Variants in CR1 observed in about 807,000 individuals in gnomAD.
The protein encoded by CR1 is complement C3b/C4b receptor 1 (Knops blood group), also known as complement receptor type 1.
In CR1, 116 loss-of-function variants were observed where a neutral mutation model predicts 187.3. The observed-to-expected ratio is 0.62, with a 90% CI of 0.53 to 0.72. The LOEUF (loss-of-function observed/expected upper bound fraction) is 0.72. Among genes scored for constraint, CR1 ranks in the 30% least tolerant of loss-of-function variants. The pLI, the probability that CR1 is intolerant of heterozygous loss-of-function variation, is 0.00. For missense variants in CR1, 1,731 were observed against 2,110.7 expected (o/e 0.82, Z 3.52); for synonymous variants, 576 against 747.1 (o/e 0.77, Z 3.73).
intron 1 of CR1, among the ~76,000 whole-genome samples, chr1:207,503,234 C>T (rs922326455): frequency 9.2e-5 from 14 of 152,090 alleles, no homozygotes; most frequent in Non-Finnish European, 7.4e-5. Context: ...CAAGATTAAG[C>T]GGTTTGCCTA....
chr1:207,607,273 T>A lies in CR1; in HGVS notation c.5833T>A (p.Ser1945Thr). ...NEGFRLIGSPSTTCLVSGNNV... is the reference protein window; with the variant it reads ...NEGFRLIGSPTTTCLVSGNNV... ...TAGGTTTCGACTCATTGGTTCCCCA[T>A]CTACTACTTGTCTCGTCTCAGGCAA... The change falls in exon 36 of 47, where the codon TCT becomes ACT. Residue 1945 changes from serine to threonine, a missense_variant. Around this residue, in one of 5 missense-constraint regions of CR1, gnomAD observed 1,312 missense variants for 1,379.6 expected, o/e 0.95. Transcript: ENST00000367049. The A allele has an allele frequency of 1.2e-6, 2 of 1,613,600 alleles. No individual in the cohort carries two copies. Among genetic ancestry groups the A allele is most frequent in the Non-Finnish European group, 1.7e-6 (2 of 1,179,530 alleles).
At chr1:207,578,225 A>G in intron 29 of CR1, 22 bp downstream of exon 29, 3 of 1,611,806 alleles carry the variant, frequency 1.9e-6, no homozygotes, top group Non-Finnish European at 2.5e-6. Flanking sequence ...TGATGCCTAG[A>G]AGGGCCCTGC....
At chr1:207,515,106 TGTACGTATATATACATAC>T (rs1220197000) in intron 4 of CR1, among the ~76,000 whole-genome samples, 30 of 140,088 alleles carry the variant, frequency 2.1e-4, no homozygotes, top group African/African-American at 7.7e-4. Flanking sequence ...TGTGTATATA[TGTACGTATATATACATAC>T]GTACGTATAT....
chr1:207,521,389 G>A (rs990909402), intron 4 of CR1, among the ~76,000 whole-genome samples: 1 of 151,890 alleles, frequency 6.6e-6, no homozygotes, highest in Non-Finnish European at 1.5e-5. Flanking sequence ...TCTTCTCATC[G>A]AGGGACTTCA....
intron 4 of CR1, 49 bp from the exon 5 acceptor site, chr1:207,523,562 A>T (rs752545769): frequency 5.6e-6 from 9 of 1,609,780 alleles, no homozygotes; most frequent in Admixed American, 1.7e-5. Flanking sequence ...GATTTCTGTC[A>T]TTCATTATTT....
chr1:207,497,439 C>A (rs1441980346), intron 1 of CR1, among the ~76,000 whole-genome samples: 1 of 152,170 alleles, frequency 6.6e-6, no homozygotes, highest in African/African-American at 2.4e-5. Flanking sequence ...TTCCTGACAA[C>A]TCCGGGTTCG....
intron 28 of CR1, 129 bp from the exon 29 acceptor site, chr1:207,577,676 G>A (rs919057844): frequency 3.1e-5 from 44 of 1,421,494 alleles, no homozygotes; most frequent in Middle Eastern, 2.5e-4. Flanking sequence ...AGGTTGAGGT[G>A]GGAGGATTGC....
chr1:207,639,202 A>T (rs1662907044), intron 46 of CR1, among the ~76,000 whole-genome samples, 195 bp from the exon 47 acceptor site: 1 of 152,176 alleles, frequency 6.6e-6, no homozygotes, highest in Non-Finnish European at 1.5e-5. Flanking sequence ...GAGACTGGGC[A>T]ATTCTTTTTT....
At position 207,523,594 on chromosome 1, in the gene CR1, G is replaced by A. The variant is rs1381924857; in HGVS notation, c.488-17G>A. 3 of 1,613,616 alleles carry A rather than the reference G, an allele frequency of 1.9e-6. No homozygotes were observed. Among genetic ancestry groups the A allele is most frequent in the African/African-American group, 2.7e-5 (2 of 74,912 alleles). On this transcript the variant is annotated splice_polypyrimidine_tract_variant and intron_variant, in intron 4 of 46. Transcript: ENST00000367049. ...ATTTAAACTGACTGTTATTTATCCT[G>A]CTCTTCCTTTTTCCAGGAATTCCTT... is the stretch of plus-strand genomic sequence containing the variant.
At position 207,607,341 on chromosome 1, in the gene CR1, G is replaced by C; in HGVS notation, c.5896+5G>C. The stretch of plus-strand genomic sequence containing the variant: ...AGAAGGCACCTATTTGTGAGAGTAA[G>C]TTGAAATACTTTTCTCCACAAATTC... On this transcript the variant is annotated splice_donor_5th_base_variant and intron_variant, in intron 36 of 46. Coordinates refer to ENST00000367049, the MANE Select transcript of CR1 (RefSeq NM_000651.6). The C allele has an allele frequency of 6.2e-7, 1 of 1,604,094 alleles. No individual in the cohort carries two copies. The highest frequency in any genetic ancestry group is 8.5e-7 in the Non-Finnish European group (1 of 1,171,042).
chr1:207,573,348 C>T (rs1660636798), intron 27 of CR1, among the ~76,000 whole-genome samples: 1 of 152,192 alleles, frequency 6.6e-6, no homozygotes, highest in Non-Finnish European at 1.5e-5. Context: ...CACCTAGAAT[C>T]TGACAAAAAT....
intron 35 of CR1, among the ~76,000 whole-genome samples, chr1:207,603,633 TG>T (rs1661668071): frequency 6.6e-6 from 1 of 152,192 alleles, no homozygotes; most frequent in Non-Finnish European, 1.5e-5. Context: ...ACGACTACAC[TG>T]TACATGGTTT....
intron 35 of CR1, 45 bp from the exon 36 acceptor site, chr1:207,607,206 G>A (rs535986077): frequency 1.4e-6 from 2 of 1,414,604 alleles, no homozygotes; most frequent in Non-Finnish European, 1.0e-6. Context: ...TGAGTTAAAT[G>A]GGAAATATGT....
intron 3 of CR1, chr1:207,507,196 G>A (rs1039246784): frequency 5.9e-6 from 1 of 168,190 alleles, no homozygotes; most frequent in Non-Finnish European, 1.3e-5. Flanking sequence ...CAAGTAGTTT[G>A]CTAGGGCTGC....
chr1:207,614,538 T>C (rs773210060), intron 40 of CR1, 49 bp downstream of exon 40: 44 of 1,492,928 alleles, frequency 2.9e-5, no homozygotes, highest in Non-Finnish European at 3.8e-5. Context: ...TATTTTCGTT[T>C]TCCAGCATGT....
At chr1:207,638,092 G>A (rs997997540) in intron 46 of CR1, among the ~76,000 whole-genome samples, 13 of 152,200 alleles carry the variant, frequency 8.5e-5, no homozygotes, top group African/African-American at 3.1e-4. Context: ...CATCTGAGGA[G>A]TGGTACATTC....
At chr1:207,608,064 C>G (rs1661803572) in intron 36 of CR1, among the ~76,000 whole-genome samples, 1 of 152,098 alleles carries the variant, frequency 6.6e-6, no homozygotes, top group Admixed American at 6.6e-5. Context: ...CAGAATTTAG[C>G]CCAAGAAAAT....
chr1:207,506,878 T>C, intron 3 of CR1, 65 bp downstream of exon 3: 1 of 1,296,408 alleles, frequency 7.7e-7, no homozygotes, highest in Non-Finnish European at 1.1e-6. Context: ...CTTACTACCT[T>C]CTAGTCACAT....
At chr1:207,619,633 T>A (rs149589036) in intron 42 of CR1, among the ~76,000 whole-genome samples, 43 of 152,316 alleles carry the variant, frequency 2.8e-4, no homozygotes, top group African/African-American at 9.9e-4. Context: ...GCTTTCCAGT[T>A]GCAGAGCTGT....
Sources: gnomAD v4.1 joint callset for allele counts (sites outside exome capture counted in the v4.1 genomes callset) on GRCh38, gnomAD v4.1.1 for gene constraint, gnomAD v4.1.1 regional missense constraint, MANE v1.5 for transcripts, NCBI Gene and HGNC (gene_info 2026-07-23, HGNC 2026-07-21) for gene names.